Variants in BET1 observed in about 807,000 individuals in gnomAD.
The protein encoded by BET1 is BET1 homolog.
BET1 carries 9 observed loss-of-function variants against 13.9 expected under a neutral mutation model. The ratio of observed to expected loss-of-function variants is 0.65; its 90% CI spans 0.39 to 1.13. The LOEUF is 1.13. BET1 is among the 50% of genes most tolerant of loss of function. BET1 has a pLI of 0.01. For missense variants in BET1, 127 were observed against 133.6 expected, an observed-to-expected ratio of 0.95 and a Z score of 0.24; for synonymous variants, 39 against 47.3, an observed-to-expected ratio of 0.82 and a Z score of 0.72.
intron 4 of BET1, among the ~76,000 whole-genome samples, chr7:93,978,031 G>T: frequency 6.6e-6 from 1 of 151,320 alleles, no homozygotes; most frequent in East Asian, 1.9e-4. Flanking sequence ...CTCTGTCCTA[G>T]ACTGGTTGTT....
At chr7:93,963,410 A>G (rs560894375) in exon 7 of BET1, 1 of 152,068 alleles carries the variant, frequency 6.6e-6, no homozygotes, top group Non-Finnish European at 1.5e-5. Context: ...GTATACATGC[A>G]TGCTGAATCT....
chr7:94,004,295 T>A lies in BET1; in HGVS notation c.-79A>T. ...ACAGCTAGGGGCGACCCGGACCGCGTCTTCAGTACCAGGGCCCAGCGAAAC... is the reference window on the plus strand; with the variant it reads ...ACAGCTAGGGGCGACCCGGACCGCGACTTCAGTACCAGGGCCCAGCGAAAC... On this transcript the variant is annotated 5_prime_UTR_variant, in exon 1 of 4. Coordinates refer to ENST00000222547, the MANE Select transcript of BET1 (RefSeq NM_005868.6). 1 of 1,591,936 alleles carries A rather than the reference T, an allele frequency of 6.3e-7. No individual in the cohort carries two copies.
chr7:93,975,041 C>T (rs569865787), intron 5 of BET1, among the ~76,000 whole-genome samples: 1 of 151,982 alleles, frequency 6.6e-6, no homozygotes, highest in African/African-American at 2.4e-5. Context: ...CAAATAGAAC[C>T]AAATTGATGG....
chr7:93,970,346 TG>T (rs1795242003), intron 6 of BET1, among the ~76,000 whole-genome samples: 1 of 151,758 alleles, frequency 6.6e-6, no homozygotes, highest in African/African-American at 2.4e-5. Flanking sequence ...TAGGTGACAG[TG>T]TGTGGAGAAG....
At chr7:93,989,407 A>G (rs1313931753), downstream of BET1, among the ~76,000 whole-genome samples, 1 of 152,170 alleles carries the variant, frequency 6.6e-6, no homozygotes, top group Non-Finnish European at 1.5e-5. Flanking sequence ...AAAAAAAATA[A>G]ATTTAAGTTT....
chr7:94,004,348 A>C lies in BET1; in HGVS notation c.-132T>G, dbSNP rs1328239603. 1 of 1,250,778 alleles carries C rather than the reference A, an allele frequency of 8.0e-7. No individual in the cohort carries two copies. The highest frequency in any genetic ancestry group is 1.5e-5 in the African/African-American group (1 of 67,340). 77.5% of individuals were successfully genotyped at this position (1,250,778 alleles called of 1,614,324 possible). ...CAACTTCTTCCCCTAAAGCGCCACG[A>C]CATCAGTGGAGTCTAAACACCGCGC... On this transcript the variant is annotated 5_prime_UTR_variant, in exon 1 of 4. Transcript: ENST00000222547.
At chr7:93,986,504 C>G (rs1795530255) in intron 4 of BET1, among the ~76,000 whole-genome samples, 1 of 152,206 alleles carries the variant, frequency 6.6e-6, no homozygotes. Context: ...CCCACAGATA[C>G]TAAGCTAACT....
chr7:93,984,466 A>G (rs965445191), intron 4 of BET1, among the ~76,000 whole-genome samples: 1 of 152,198 alleles, frequency 6.6e-6, no homozygotes, highest in Admixed American at 6.6e-5. Context: ...ATTCTGCCAA[A>G]TAGGTGAACA....
At chr7:93,985,690 C>A (rs914390218) in intron 4 of BET1, among the ~76,000 whole-genome samples, 8 of 152,154 alleles carry the variant, frequency 5.3e-5, no homozygotes, top group South Asian at 2.1e-4. Context: ...CAGAACATCA[C>A]CTCATATACT....
chr7:93,977,934 C>A (rs1040444306), intron 4 of BET1, among the ~76,000 whole-genome samples: 8 of 152,124 alleles, frequency 5.3e-5, no homozygotes, highest in Non-Finnish European at 1.2e-4. Flanking sequence ...CACTTAGGAA[C>A]CTTCAATTCC....
chr7:93,992,090 G>C (rs1430883175), downstream of BET1: 1 of 985,278 alleles, frequency 1.0e-6, no homozygotes, highest in Non-Finnish European at 1.2e-6. Flanking sequence ...CGACATGCCA[G>C]TGTGTCCAGA....
chr7:93,967,144 G>T (rs572048409), intron 6 of BET1, among the ~76,000 whole-genome samples: 1 of 151,882 alleles, frequency 6.6e-6, no homozygotes, highest in South Asian at 2.1e-4. Context: ...ATTGTGTAAG[G>T]TACTTTTAAT....
chr7:93,984,357 T>C (rs1795486057), intron 4 of BET1, among the ~76,000 whole-genome samples: 1 of 152,188 alleles, frequency 6.6e-6, no homozygotes, highest in South Asian at 2.1e-4. Flanking sequence ...TTTGAGGTTC[T>C]GGGTGTACAT....
At chr7:93,971,913 G>A (rs76486141) in intron 6 of BET1, among the ~76,000 whole-genome samples, 1,505 of 150,422 alleles carry the variant, frequency 0.01, 9 homozygotes, top group Admixed American at 0.016. Context: ...ATATTGTACA[G>A]CTTTTTCCAG....
Position 93,994,069 on chromosome 7 carries a change from TG to T in BET1, c.*160del. The stretch of plus-strand genomic sequence containing the variant: ...TTAAGAAACAGTATTCAAAGACCAC[TG>T]TATTAACTAATGTGATTTATAAAAT... On this transcript the variant is annotated 3_prime_UTR_variant, in exon 4 of 4. Transcript: ENST00000222547. The T allele has an allele frequency of 6.9e-7, 1 of 1,445,238 alleles. No homozygotes were observed. Among genetic ancestry groups the T allele is most frequent in the Non-Finnish European group, 9.0e-7 (1 of 1,107,150 alleles). 89.5% of individuals were successfully genotyped at this position (1,445,238 alleles called of 1,614,324 possible).
chr7:93,962,894 C>A (rs1347289442), exon 7 of BET1: 2 of 151,944 alleles, frequency 1.3e-5, no homozygotes, highest in Non-Finnish European at 2.9e-5. Flanking sequence ...TGGTAAACAT[C>A]TTGGCTATAA....
chr7:93,999,253 C>A lies in BET1; in HGVS notation c.61G>T (p.Ala21Ser). 6.2e-7 allele frequency: 1 copy of A among 1,613,186 alleles called. No homozygotes were observed. The highest frequency in any genetic ancestry group is 2.2e-5 in the East Asian group (1 of 44,840). ...PPGNYGNYGY[A>S]NSGYSACEEE... is the part of the protein sequence containing the mutation. ...TCACAGGCACTATACCCACTATTAG[C>A]ATAGCCATAGTTCCCATAGTTGCCA... Residue 21 changes from alanine to serine, a missense_variant, in exon 2 of 4, where the codon GCT becomes TCT. Transcript: ENST00000222547.
At chr7:93,996,985 G>C (rs566232837) in intron 2 of BET1, among the ~76,000 whole-genome samples, 5 of 151,578 alleles carry the variant, frequency 3.3e-5, no homozygotes, top group East Asian at 1.9e-4. Flanking sequence ...AAAGGTTTTT[G>C]CTTTAAAATA....
At chr7:93,975,874 G>A in intron 5 of BET1, 1 of 1,020,476 alleles carries the variant, frequency 9.8e-7, no homozygotes, top group Non-Finnish European at 1.2e-6. Context: ...AATATTATGA[G>A]ACTATCAAAT....
Sources: allele counts gnomAD v4.1 joint callset (sites outside exome capture counted in the v4.1 genomes callset), GRCh38; gene constraint gnomAD v4.1.1; transcripts MANE v1.5; gene names NCBI Gene and HGNC (gene_info 2026-07-23, HGNC 2026-07-21).